EVPL: variants seen among roughly 807,000 people sequenced by gnomAD.
EVPL encodes envoplakin.
Under a neutral mutation model 129.7 loss-of-function variants are expected in EVPL, and 94 were observed. The ratio of observed to expected loss-of-function variants is 0.72; its 90% confidence interval spans 0.61 to 0.86. The LOEUF (loss-of-function observed/expected upper bound fraction) is 0.86. Ranked by LOEUF, EVPL falls within the 40% of genes least tolerant of loss-of-function variation. The pLI is 0.00. For synonymous variants in EVPL, 1,172 were observed against 1,191.1 expected (o/e 0.98, Z 0.33); for missense variants, 2,625 against 2,721.1 (o/e 0.96, Z 0.79).
rs928262374 is a variant in EVPL at position 76,013,390 on chromosome 17, C to T, written c.2373+1036G>A. On this transcript the variant is annotated intron_variant, in intron 18 of 21. Coordinates refer to ENST00000301607, the MANE Select transcript of EVPL (RefSeq NM_001988.4). This position sits in a 1 kb window ranked among gnomAD's most constrained non-coding sequence, Gnocchi z 4.3. ...TCTCACGAGCTCCTAGGGGAACCCC[C>T]AGCCCCAGTTCCCTCCCATATGCCT... is the stretch of plus-strand genomic sequence containing the variant. Among the ~76,000 whole-genome samples, 11 of 152,300 alleles carry T rather than the reference C, an allele frequency of 7.2e-5. No individual in the cohort carries two copies. Among genetic ancestry groups the T allele is most frequent in the Admixed American group, 4.6e-4 (7 of 15,300 alleles).
At chr17:76,012,310 C>CTTTTTT (rs11371360) in intron 18 of EVPL, 119 of 385,708 alleles carry the variant, frequency 3.1e-4, no homozygotes, top group East Asian at 1.0e-3. Context: ...CCTTTCTTTC[C>CTTTTTT]TTTTTTTTTT....
intron 13 of EVPL, 84 bp downstream of exon 13, chr17:76,018,077 C>T (rs1327386462): frequency 1.3e-6 from 2 of 1,536,344 alleles, no homozygotes; most frequent in East Asian, 2.5e-5. Flanking sequence ...CCCAAGGCGA[C>T]CCCTGCCCAT....
At chr17:76,026,618 G>C (rs1290481296) in intron 1 of EVPL, among the ~76,000 whole-genome samples, 1 of 152,176 alleles carries the variant, frequency 6.6e-6, no homozygotes, top group East Asian at 1.9e-4. Flanking sequence ...CTACCCCAGG[G>C]ATCCCACCCC....
At chr17:76,020,868 T>G (rs904175999) in intron 9 of EVPL, among the ~76,000 whole-genome samples, 2 of 151,906 alleles carry the variant, frequency 1.3e-5, no homozygotes, top group Non-Finnish European at 2.9e-5. Context: ...CCACGAAATT[T>G]TAATACCACA....
chr17:76,022,599 C>G lies in EVPL; in HGVS notation c.481-61G>C. The G allele has an allele frequency of 1.3e-6, 2 of 1,532,662 alleles. No homozygotes were observed. The allele number at this position is 1,532,662 out of a possible 1,614,324, so 94.9% of individuals were successfully genotyped here. ...CGCGGTGGGGAGCCAGAGAACCCCA[C>G]ACGCCTCCCACCCGGAGAAGTGGAC... On this transcript the variant is annotated intron_variant, in intron 4 of 21. Transcript: ENST00000301607. The surrounding 1 kb of genome is among the most constrained non-coding windows in gnomAD (Gnocchi z 5.6).
rs2066343060 is a variant in EVPL, at chr17:76,008,513, A to G, written c.4692T>C (p.Ile1564=). The G allele has an allele frequency of 1.2e-6, 2 of 1,605,226 alleles. No homozygotes were observed. Among genetic ancestry groups the G allele is most frequent in the Non-Finnish European group, 8.5e-7 (1 of 1,179,152 alleles). ...EEEARRLRER[I]DRAETLGRTW... ...TTCTCCCCAGCGTCTCGGCCCGGTC[A>G]ATGCGCTCCCGCAGGCGCCGTGCCT... The change falls in exon 22 of 22, where the codon ATT becomes ATC. Residue 1564 remains isoleucine (I), a synonymous_variant. Coordinates refer to ENST00000301607, the MANE Select transcript of EVPL (RefSeq NM_001988.4). This position sits in a 1 kb window ranked among gnomAD's most constrained non-coding sequence, Gnocchi z 7.4.
Position 76,014,968 on chromosome 17 carries a change from C to A in EVPL, c.2170G>T (p.Val724Leu). The A allele has an allele frequency of 6.3e-7, 1 of 1,597,432 alleles. No homozygotes were observed. The highest frequency in any genetic ancestry group is 1.1e-5 in the South Asian group (1 of 90,874). ...CQDLPRQQRQ[V>L]RALTDRYHAV... ...TGGTAGCGGTCGGTGAGGGCTCGCA[C>A]CTGGCGCTGCTGGCGAGGCAGGTCT... The change falls in exon 17 of 22, where the codon GTG (valine) becomes TTG (leucine). Residue 724 changes from valine to leucine, a missense_variant. Physicochemically the swap from Val to Leu is conservative, Grantham distance 32. Coordinates refer to ENST00000301607, the MANE Select transcript of EVPL (RefSeq NM_001988.4).
intron 18 of EVPL, 22 bp downstream of exon 18, chr17:76,014,404 G>A: frequency 6.2e-7 from 1 of 1,600,782 alleles, no homozygotes; most frequent in South Asian, 1.1e-5. Flanking sequence ...GGCACAGGCA[G>A]CTGTCCCTGC....
chr17:76,016,386 C>T (rs1026663287), intron 14 of EVPL, among the ~76,000 whole-genome samples: 3 of 152,190 alleles, frequency 2.0e-5, no homozygotes, highest in East Asian at 1.9e-4. Flanking sequence ...GGTCCATCAC[C>T]GAGCAGTGCT....
In EVPL at chr17:76,024,860, T is replaced by TCCATAGA. The variant is rs2066488185; in HGVS notation, c.99-741_99-740insTCTATGG. Among the ~76,000 whole-genome samples the TCCATAGA allele has an allele frequency of 6.6e-6, 1 of 152,184 alleles. No homozygotes were observed. Among genetic ancestry groups the TCCATAGA allele is most frequent in the African/African-American group, 2.4e-5 (1 of 41,446 alleles). Reference sequence around the variant, plus strand: ...CAGCCTCCATAGAGCACCTGCTGTGTGCATGCACTCACTGTGCGGAGGTCA... The same window carrying TCCATAGA: ...CAGCCTCCATAGAGCACCTGCTGTGTCCATAGAGCATGCACTCACTGTGCGGAGGTCA... On this transcript the variant is annotated intron_variant, in intron 1 of 21. Coordinates refer to ENST00000301607, the MANE Select transcript of EVPL (RefSeq NM_001988.4). This position sits in a 1 kb window ranked among gnomAD's most constrained non-coding sequence, Gnocchi z 4.5.
In EVPL at chr17:76,008,301, C is replaced by T. The variant is rs1368574705; in HGVS notation, c.4904G>A (p.Gly1635Asp). ...ESERQKAAQRGQELSRLEAAI... is the reference protein window; with the variant it reads ...ESERQKAAQRDQELSRLEAAI... ...CGCCTCCAGCCGCGAGAGCTCCTGG[C>T]CCCGCTGGGCCGCCTTCTGTCGCTC... The change falls in exon 22 of 22, where the codon GGC becomes GAC. Residue 1635 changes from glycine to aspartate, a missense_variant. By Grantham distance (94) the Gly-to-Asp change is moderately conservative (BLOSUM62 -1). Around this residue, in one of 4 missense-constraint regions of EVPL, gnomAD observed 1,453 missense variants for 1,511.8 expected, o/e 0.96. Coordinates refer to ENST00000301607, the MANE Select transcript of EVPL (RefSeq NM_001988.4). The surrounding 1 kb of genome is among the most constrained non-coding windows in gnomAD (Gnocchi z 7.4). 1.2e-6 allele frequency: 2 copies of T among 1,609,660 alleles called. No homozygotes were observed. The highest frequency in any genetic ancestry group is 4.5e-5 in the East Asian group (2 of 44,862).
chr17:76,009,734 GCTC>G lies in EVPL; in HGVS notation c.3468_3470del (p.Arg1156del). The G allele has an allele frequency of 6.2e-7, 1 of 1,613,580 alleles. No homozygotes were observed. Among genetic ancestry groups the G allele is most frequent in the Non-Finnish European group, 8.5e-7 (1 of 1,180,000 alleles). ...TCTTGGTCCTCTCCTCCTCGAGGAG[GCTC>G]CTCAGCCTGGAGGACTCCTGGAGGA... On this transcript the variant is annotated inframe_deletion, in exon 22 of 22. Coordinates refer to ENST00000301607, the MANE Select transcript of EVPL (RefSeq NM_001988.4). This position sits in a 1 kb window ranked among gnomAD's most constrained non-coding sequence, Gnocchi z 5.9.
In EVPL at chr17:76,009,328, G is replaced by A. The variant is rs373207880; in HGVS notation, c.3877C>T (p.Arg1293Cys). 87 of 1,611,612 alleles carry A rather than the reference G, an allele frequency of 5.4e-5. No homozygotes were observed. The highest frequency in any genetic ancestry group is 6.7e-5 in the Admixed American group (4 of 60,000). Residue 1293 changes from arginine to cysteine, a missense_variant, in exon 22 of 22, where the codon CGC becomes TGC. Arg to Cys is a radical substitution (Grantham distance 180). Transcript: ENST00000301607. The surrounding 1 kb of genome is among the most constrained non-coding windows in gnomAD (Gnocchi z 5.9). Reference sequence around the variant, plus strand: ...CACTCGTCGCGCTCACCCTGCAGGCGGATGAGCTGCTCCTGGGAGCGCCCG... The same window carrying A: ...CACTCGTCGCGCTCACCCTGCAGGCAGATGAGCTGCTCCTGGGAGCGCCCG... ...SHGRSQEQLI[R>C]LQGERDEWRR...
Position 76,023,645 on chromosome 17 carries a change from T to C in EVPL, c.208A>G (p.Asn70Asp), listed in dbSNP as rs753467183. The C allele has an allele frequency of 2.6e-5, 41 of 1,576,624 alleles. No homozygotes were observed. Residue 70 changes from asparagine (N) to aspartate (D), a missense_variant, in exon 3 of 22, where the codon AAC becomes GAC. Asn to Asp is a conservative substitution (Grantham distance 23, BLOSUM62 1). Transcript: ENST00000301607. ...TQKRLQQDRL[N>D]SEQSQALQHQ... ...TGCAGGGCCTGGCTCTGCTCACTGT[T>C]CAGCCGGTCCTGTGGGCAGGAGATG...
chr17:76,014,392 TG>T (rs2066400674), intron 18 of EVPL, 33 bp downstream of exon 18: 1 of 1,589,958 alleles, frequency 6.3e-7, no homozygotes, highest in South Asian at 1.1e-5. Context: ...GGGGGCCACA[TG>T]GGCACAGGCA....
intron 16 of EVPL, 55 bp downstream of exon 16, chr17:76,015,172 C>A: frequency 6.4e-7 from 1 of 1,558,334 alleles, no homozygotes; most frequent in Non-Finnish European, 8.7e-7. Context: ...GTCCACCCAC[C>A]CGCCCCTGAA....
Position 76,007,854 on chromosome 17 carries a change from G to C in EVPL, c.5351C>G (p.Thr1784Ser), listed in dbSNP as rs367755409. Reference sequence around the variant, plus strand: ...GATGGAGAGTGAGGAGCTTGGCTTGGTCTCCCCAGCTACAAGCAGCGCAAA... The same window carrying C: ...GATGGAGAGTGAGGAGCTTGGCTTGCTCTCCCCAGCTACAAGCAGCGCAAA... ...SEFALLVAGE[T>S]KPSSSLSIGS... The change falls in exon 22 of 22, where the codon ACC (threonine) becomes AGC (serine). Residue 1784 changes from threonine to serine, a missense_variant. Thr to Ser is a moderately conservative substitution (Grantham distance 58). This residue lies in a region of EVPL where 1,453 missense variants were observed against 1,511.8 expected (regional missense o/e 0.96). Coordinates refer to ENST00000301607, the MANE Select transcript of EVPL (RefSeq NM_001988.4). This position sits in a 1 kb window ranked among gnomAD's most constrained non-coding sequence, Gnocchi z 8.8. The C allele has an allele frequency of 1.6e-5, 25 of 1,612,394 alleles. No homozygotes were observed. The highest frequency in any genetic ancestry group is 1.7e-4 in the Middle Eastern group (1 of 6,058).
Position 76,024,043 on chromosome 17 carries a change from T to C in EVPL, c.176A>G (p.Glu59Gly). 3 of 1,613,736 alleles carry C rather than the reference T, an allele frequency of 1.9e-6. No homozygotes were observed. Among genetic ancestry groups the C allele is most frequent in the Non-Finnish European group, 2.5e-6 (3 of 1,179,934 alleles). Residue 59 changes from glutamate to glycine, a missense_variant, in exon 2 of 22, where the codon GAG becomes GGG. This residue lies in a region of EVPL where 139 missense variants were observed against 186.8 expected (regional missense o/e 0.74). Coordinates refer to ENST00000301607, the MANE Select transcript of EVPL (RefSeq NM_001988.4). The surrounding 1 kb of genome is among the most constrained non-coding windows in gnomAD (Gnocchi z 4.5). ...CACCTGCTGCAGCCTCTTCTGCGTC[T>C]CCAGGATGTCCCGCTCCACCTGGTC... ...NADQVERDIL[E>G]TQKRLQQDRL...
intron 14 of EVPL, 65 bp from the exon 15 acceptor site, chr17:76,015,693 A>G (rs2066415332): frequency 6.6e-7 from 1 of 1,515,718 alleles, no homozygotes; most frequent in African/African-American, 1.4e-5. Flanking sequence ...CTACCAGGAT[A>G]CCCTAACTCT....
Sources: allele counts gnomAD v4.1 joint callset (sites outside exome capture counted in the v4.1 genomes callset), GRCh38; gene constraint gnomAD v4.1.1; regional missense constraint gnomAD v4.1.1; non-coding constraint Gnocchi (gnomAD v3.1); transcripts MANE v1.5; gene names NCBI Gene and HGNC (gene_info 2026-07-23, HGNC 2026-07-21).